Variants in SDK2 observed in about 807,000 individuals in gnomAD.
SDK2 encodes sidekick cell adhesion molecule 2.
In SDK2, 105 loss-of-function variants were observed where a neutral mutation model predicts 253.9. The observed-to-expected ratio is 0.41, with a 90% CI of 0.35 to 0.49. The LOEUF is 0.49. Among genes scored for constraint, SDK2 ranks in the 20% least tolerant of loss-of-function variants. SDK2 has a pLI of 0.06. For synonymous variants in SDK2, 1,249 were observed against 1,234.9 expected, an observed-to-expected ratio of 1.01 and a Z score of -0.24; for missense variants, 2,608 against 3,003.0, an observed-to-expected ratio of 0.87 and a Z score of 3.07.
chr17:73,532,405 T>C lies in SDK2; in HGVS notation c.65-24808A>G, dbSNP rs76465981. On this transcript the variant is annotated intron_variant, in intron 1 of 44. Coordinates refer to ENST00000392650, the MANE Select transcript of SDK2 (RefSeq NM_001144952.2). ...ACTCCACCCCAGGCCTAGAGTGAAA[T>C]TGGATCACTTCTTCTGCAAACAGGA... 2.3e-3 allele frequency among the ~76,000 whole-genome samples: 351 copies of C among 152,264 alleles called. 1 individual carries two copies. Among genetic ancestry groups the C allele is most frequent in the African/African-American group, 7.5e-3 (310 of 41,554 alleles).
rs760370351 is a variant in SDK2, at chr17:73,433,691, C to T, written c.1312+41G>A. ...GCCTAGTTCTGAAGACTCTTCTAGG[C>T]TATCACCCAGCCACACTCTCTGAAG... On this transcript the variant is annotated intron_variant, in intron 10 of 44. Coordinates refer to ENST00000392650, the MANE Select transcript of SDK2 (RefSeq NM_001144952.2). The T allele has an allele frequency of 4.1e-6, 6 of 1,455,386 alleles. No individual in the cohort carries two copies. The South Asian group carries it at 7.3e-5, about 18-fold the overall frequency. The allele number at this position is 1,455,386 out of a possible 1,614,324, so 90.2% of individuals were successfully genotyped here. A position where few individuals can be genotyped will look rare whatever the true frequency, so the allele number is the denominator to read the frequency against.
intron 1 of SDK2, among the ~76,000 whole-genome samples, chr17:73,566,319 A>ATGTGTG (rs55940592): frequency 0.012 from 1,688 of 139,396 alleles, 14 homozygotes; most frequent in African/African-American, 0.026. Context: ...TTATATATAT[A>ATGTGTG]TGTGTGTGTG....
At chr17:73,469,683 G>T (rs1292750665) in intron 3 of SDK2, among the ~76,000 whole-genome samples, 1 of 152,144 alleles carries the variant, frequency 6.6e-6, no homozygotes, top group Non-Finnish European at 1.5e-5. Context: ...CCCCACCCTG[G>T]GTTTGTGTGT....
intron 27 of SDK2, 41 bp from the exon 28 acceptor site, chr17:73,391,579 C>T (rs1336122297): frequency 1.6e-5 from 18 of 1,138,270 alleles, no homozygotes; most frequent in Non-Finnish European, 2.0e-5. Flanking sequence ...CATGAGGCTG[C>T]CGCTCAGCTG....
chr17:73,387,250 G>A (rs1034139028), intron 30 of SDK2, among the ~76,000 whole-genome samples: 4 of 152,194 alleles, frequency 2.6e-5, no homozygotes, highest in African/African-American at 9.7e-5. Flanking sequence ...GTAAGCCACC[G>A]CTCCTGGCCT....
intron 5 of SDK2, among the ~76,000 whole-genome samples, chr17:73,446,126 T>C (rs543815070): frequency 7.6e-4 from 115 of 152,254 alleles, no homozygotes; most frequent in African/African-American, 2.6e-3. Flanking sequence ...ATGCCTGGCT[T>C]TGACTTGGAC....
intron 1 of SDK2, among the ~76,000 whole-genome samples, chr17:73,509,643 A>G (rs891398791): frequency 1.4e-4 from 21 of 151,344 alleles, no homozygotes; most frequent in African/African-American, 4.9e-4. Flanking sequence ...AAAAAAAAAA[A>G]AAGAAGGAAA....
chr17:73,376,319 T>TGAG (rs2062780653), intron 36 of SDK2, among the ~76,000 whole-genome samples: 1 of 132,166 alleles, frequency 7.6e-6, no homozygotes, highest in South Asian at 2.6e-4. Flanking sequence ...ACATCTAAGC[T>TGAG]CACAATGCTG....
rs367990702 is a variant in SDK2, at chr17:73,465,291, C to G, written c.331+6821G>C. ...CCAGCCTCCCAGGATGGGGCAGGCG[C>G]TCTGCCCTGCTGTGGGTGGGTGGGT... On this transcript the variant is annotated intron_variant, in intron 3 of 44. Transcript: ENST00000392650. This position sits in a 1 kb window ranked among gnomAD's most constrained non-coding sequence, Gnocchi z 4.2. Among the ~76,000 whole-genome samples, 35 of 134,806 alleles carry G rather than the reference C, an allele frequency of 2.6e-4. No homozygotes were observed. The highest frequency in any genetic ancestry group is 9.2e-4 in the African/African-American group (34 of 37,128). 88.4% of individuals were successfully genotyped at this position (134,806 alleles called of 152,430 possible). A position where few individuals can be genotyped will look rare whatever the true frequency, so the allele number is the denominator to read the frequency against.
At chr17:73,466,171 C>G (rs778788236) in intron 3 of SDK2, among the ~76,000 whole-genome samples, 5 of 152,094 alleles carry the variant, frequency 3.3e-5, no homozygotes, top group Admixed American at 6.5e-5. Flanking sequence ...CTAGTCCAGC[C>G]CTGGAGAGCA....
chr17:73,414,630 G>C lies in SDK2; in HGVS notation c.2484+14C>G. The C allele has an allele frequency of 6.2e-7, 1 of 1,600,756 alleles. No individual in the cohort carries two copies. The highest frequency in any genetic ancestry group is 1.1e-5 in the South Asian group (1 of 90,770). ...CTTAGGGCCTCCTCTTGGGTGAGGAGATGCCTCATGTACCTTGTAGCCCTG... is the reference window on the plus strand; with the variant it reads ...CTTAGGGCCTCCTCTTGGGTGAGGACATGCCTCATGTACCTTGTAGCCCTG... On this transcript the variant is annotated intron_variant, in intron 18 of 44. Coordinates refer to ENST00000392650, the MANE Select transcript of SDK2 (RefSeq NM_001144952.2).
At position 73,383,780 on chromosome 17, in the gene SDK2, T is replaced by A; in HGVS notation, c.4705+96A>T. The A allele has an allele frequency of 6.7e-7, 1 of 1,498,206 alleles. No homozygotes were observed. Among genetic ancestry groups the A allele is most frequent in the East Asian group, 2.3e-5 (1 of 43,868 alleles). 92.8% of individuals were successfully genotyped at this position (1,498,206 alleles called of 1,614,324 possible). On this transcript the variant is annotated intron_variant, in intron 33 of 44. Coordinates refer to ENST00000392650, the MANE Select transcript of SDK2 (RefSeq NM_001144952.2). The surrounding 1 kb of genome is among the most constrained non-coding windows in gnomAD (Gnocchi z 4.3). ...TGGAGGAGGGAGGCAAGGTTTCAGG[T>A]TAGAGTGGTTCCAGGAAGCTGAGAG...
chr17:73,560,692 C>CT (rs1308137770), intron 1 of SDK2, among the ~76,000 whole-genome samples: 3 of 152,204 alleles, frequency 2.0e-5, no homozygotes, highest in Non-Finnish European at 2.9e-5. Flanking sequence ...GTCAGGACAG[C>CT]AGCTGTTTAC....
At chr17:73,377,073 T>TGTGGGA (rs1599499386) in intron 36 of SDK2, among the ~76,000 whole-genome samples, 2 of 149,278 alleles carry the variant, frequency 1.3e-5, no homozygotes, top group East Asian at 2.5e-4. Context: ...TACTCCCCAC[T>TGTGGGA]TAAGCCATGG....
intron 43 of SDK2, among the ~76,000 whole-genome samples, chr17:73,348,927 C>T (rs1385603668): frequency 6.6e-6 from 1 of 152,166 alleles, no homozygotes; most frequent in South Asian, 2.1e-4. Context: ...ATGGGGTGCC[C>T]GGCTAATGCT....
chr17:73,419,168 G>A lies in SDK2; in HGVS notation c.2184C>T (p.Ile728=), dbSNP rs374370689. The A allele has an allele frequency of 2.1e-5, 34 of 1,611,746 alleles. No individual in the cohort carries two copies. Among genetic ancestry groups the A allele is most frequent in the Non-Finnish European group, 2.8e-5 (33 of 1,179,214 alleles). The change falls in exon 16 of 45, where the codon ATC becomes ATT. Residue 728 remains isoleucine (I), a splice_region_variant and synonymous_variant. Coordinates refer to ENST00000392650, the MANE Select transcript of SDK2 (RefSeq NM_001144952.2). The stretch of plus-strand genomic sequence containing the variant: ...CTGTCCCCAGGGTGGACACCCACCT[G>A]ATGATGTAACCCTTGAGAATTCCAT... The part of the protein sequence containing the change: ...HQNGILKGYI[I]RYCLAGLPVG...
chr17:73,557,633 T>G (rs960902552), intron 1 of SDK2, among the ~76,000 whole-genome samples: 4 of 152,114 alleles, frequency 2.6e-5, no homozygotes, highest in African/African-American at 9.7e-5. Flanking sequence ...TCCTTTCTTC[T>G]TCCCATCCTC....
At chr17:73,422,740 GGCTGGGTGTGGTGGCTC>G (rs1313959705) in intron 14 of SDK2, among the ~76,000 whole-genome samples, 1 of 152,132 alleles carries the variant, frequency 6.6e-6, no homozygotes, top group Admixed American at 6.5e-5. Flanking sequence ...ATGCCATTCA[GGCTGGGTGTGGTGGCTC>G]ATGTCTGTAA....
chr17:73,494,222 G>A (rs1315003225), intron 2 of SDK2, among the ~76,000 whole-genome samples: 2 of 152,160 alleles, frequency 1.3e-5, no homozygotes, highest in Admixed American at 1.3e-4. Flanking sequence ...AGGGGGCCTG[G>A]GTCTGAATTT....
Sources: gnomAD v4.1 joint callset for allele counts (sites outside exome capture counted in the v4.1 genomes callset) on GRCh38, gnomAD v4.1.1 for gene constraint, Gnocchi (gnomAD v3.1) non-coding constraint, MANE v1.5 for transcripts, NCBI Gene and HGNC (gene_info 2026-07-23, HGNC 2026-07-21) for gene names.